TRIM9: variants seen among roughly 807,000 people sequenced by gnomAD.
TRIM9 encodes E3 ubiquitin-protein ligase TRIM9.
TRIM9 carries 26 observed loss-of-function variants against 78.3 expected under a neutral mutation model. That is an observed-to-expected ratio of 0.33 (90% CI 0.24 to 0.46). TRIM9 has a LOEUF of 0.46. TRIM9 is among the 20% of genes least tolerant of loss of function. TRIM9 has a pLI of 1.00. For missense variants in TRIM9, 787 were observed against 1,036.4 expected (o/e 0.76, Z 3.30); for synonymous variants, 398 against 416.5 (o/e 0.96, Z 0.54).
chr14:50,978,500 C>G (rs910006908), intron 12 of TRIM9, among the ~76,000 whole-genome samples: 2 of 152,162 alleles, frequency 1.3e-5, no homozygotes, highest in Non-Finnish European at 2.9e-5. Context: ...ACAGGCTGTT[C>G]CCTCTGTCTG....
intron 1 of TRIM9, chr14:51,091,009 A>G (rs1010324059): frequency 3.3e-5 from 5 of 152,226 alleles, no homozygotes; most frequent in African/African-American, 1.2e-4. Context: ...CCCATTTTAA[A>G]GTATCTACAA....
intron 1 of TRIM9, among the ~76,000 whole-genome samples, chr14:51,037,762 AG>A (rs1436976170): frequency 2.0e-5 from 3 of 152,140 alleles, no homozygotes; most frequent in Non-Finnish European, 4.4e-5. Flanking sequence ...CTAAGATTAA[AG>A]TCACAAGTTG....
chr14:51,006,888 C>T (rs1002660650), intron 5 of TRIM9, among the ~76,000 whole-genome samples: 2 of 152,090 alleles, frequency 1.3e-5, no homozygotes, highest in African/African-American at 4.8e-5. Flanking sequence ...TCCTAAGTGG[C>T]CAAGTGACAG....
At position 50,997,366 on chromosome 14, in the gene TRIM9, G is replaced by A. The variant is rs952300366; in HGVS notation, c.1603+684C>T. 5 of 985,176 alleles carry A rather than the reference G, an allele frequency of 5.1e-6. No homozygotes were observed. In the African/African-American group the frequency reaches 7.0e-5, roughly 14 times the overall value. 61.0% of individuals were successfully genotyped at this position (985,176 alleles called of 1,614,324 possible). A position where few individuals can be genotyped will look rare whatever the true frequency, so the allele number is the denominator to read the frequency against. On this transcript the variant is annotated intron_variant, in intron 7 of 12. Transcript: ENST00000684578. ...AGATGAACCTTGTATGGTGGCTCTC[G>A]GTAGCCTAGCCAAGACTGAAGGGAC...
At chr14:51,065,177 T>C (rs1431783871) in intron 1 of TRIM9, among the ~76,000 whole-genome samples, 1 of 152,226 alleles carries the variant, frequency 6.6e-6, no homozygotes, top group East Asian at 1.9e-4. Context: ...AATCCCTGTG[T>C]GTATATGTAC....
chr14:51,035,118 C>T (rs1020221666), intron 1 of TRIM9, among the ~76,000 whole-genome samples: 1 of 152,158 alleles, frequency 6.6e-6, no homozygotes, highest in Admixed American at 6.5e-5. Flanking sequence ...CATGCATTAT[C>T]TCCATATAAA....
intron 1 of TRIM9, among the ~76,000 whole-genome samples, chr14:51,025,738 C>A (rs1287634187): frequency 7.4e-6 from 1 of 135,290 alleles, no homozygotes; most frequent in Non-Finnish European, 1.6e-5. Flanking sequence ...CGTTACTTAG[C>A]ACAAAGGGCT....
chr14:51,063,742 T>A (rs79169925), intron 1 of TRIM9, among the ~76,000 whole-genome samples: 20,121 of 152,014 alleles, frequency 0.13, 1,516 homozygotes, highest in Middle Eastern at 0.2. Context: ...AAAGAAAATA[T>A]CCTTCAAAAA....
intron 1 of TRIM9, among the ~76,000 whole-genome samples, chr14:51,054,297 T>TTTGTTG (rs10641747): frequency 4.6e-5 from 7 of 151,184 alleles, no homozygotes; most frequent in East Asian, 3.9e-4. Context: ...TTTATACTCA[T>TTTGTTG]TTGTTGTTGT....
At position 51,094,870 on chromosome 14, in the gene TRIM9, G is replaced by A. The variant is rs774967376; in HGVS notation, c.70C>T (p.Pro24Ser). 2 of 1,525,478 alleles carry A rather than the reference G, an allele frequency of 1.3e-6. No homozygotes were observed. Among genetic ancestry groups the A allele is most frequent in the Non-Finnish European group, 1.8e-6 (2 of 1,141,312 alleles). 94.5% of individuals were successfully genotyped at this position (1,525,478 alleles called of 1,614,324 possible). ...GSFYREPIILPCSHNLCQACA... is the reference protein window; with the variant it reads ...GSFYREPIILSCSHNLCQACA... The stretch of plus-strand genomic sequence containing the variant: ...GCCTGACACAAATTGTGAGAGCAGG[G>A]CAGGATGATGGGCTCCCGATAGAAG... The change falls in exon 1 of 13, where the codon CCC becomes TCC. Residue 24 changes from proline (P) to serine (S), a missense_variant. Pro to Ser is a moderately conservative substitution (Grantham distance 74). Coordinates refer to ENST00000684578, the MANE Select transcript of TRIM9 (RefSeq NM_001387360.1).
chr14:50,992,006 C>T (rs982050032), intron 7 of TRIM9, among the ~76,000 whole-genome samples: 1 of 152,114 alleles, frequency 6.6e-6, no homozygotes, highest in Non-Finnish European at 1.5e-5. Flanking sequence ...TCAGTGGGGA[C>T]CAAGGTTTGT....
chr14:51,052,013 AGGAAG>A (rs1205359002), intron 1 of TRIM9, among the ~76,000 whole-genome samples: 3 of 133,448 alleles, frequency 2.2e-5, no homozygotes, highest in Admixed American at 7.7e-5. Flanking sequence ...GGAAAGGGAG[AGGAAG>A]GGAGGGGAGG....
At chr14:51,005,084 G>A (rs1250576487) in intron 5 of TRIM9, among the ~76,000 whole-genome samples, 1 of 152,186 alleles carries the variant, frequency 6.6e-6, no homozygotes, top group Non-Finnish European at 1.5e-5. Flanking sequence ...GCTGTTTCTG[G>A]AAAGCTATTA....
chr14:51,033,937 A>T (rs961412830), intron 1 of TRIM9, among the ~76,000 whole-genome samples: 3 of 152,232 alleles, frequency 2.0e-5, no homozygotes, highest in African/African-American at 7.2e-5. Flanking sequence ...TACCCATTGA[A>T]TGTTTACCAA....
At chr14:51,085,836 T>C (rs1041669757) in intron 1 of TRIM9, among the ~76,000 whole-genome samples, 1 of 152,208 alleles carries the variant, frequency 6.6e-6, no homozygotes, top group Non-Finnish European at 1.5e-5. Flanking sequence ...AGAGAGACAA[T>C]GCTCCATGGT....
chr14:51,050,686 T>C (rs1363977213), intron 1 of TRIM9, among the ~76,000 whole-genome samples: 1 of 152,094 alleles, frequency 6.6e-6, no homozygotes, highest in Non-Finnish European at 1.5e-5. Flanking sequence ...TGAAGCCAGG[T>C]CATAACAAGA....
At chr14:51,077,650 T>G (rs1263395038) in intron 1 of TRIM9, among the ~76,000 whole-genome samples, 1 of 152,146 alleles carries the variant, frequency 6.6e-6, no homozygotes, top group Admixed American at 6.5e-5. Flanking sequence ...TGCCTCGGCC[T>G]CCCAAAGTGC....
intron 1 of TRIM9, among the ~76,000 whole-genome samples, chr14:51,058,555 C>G (rs1380818546): frequency 6.6e-6 from 1 of 152,094 alleles, no homozygotes; most frequent in Non-Finnish European, 1.5e-5. Context: ...CAGGCCATAC[C>G]CTCCCGTCAT....
intron 1 of TRIM9, among the ~76,000 whole-genome samples, chr14:51,082,031 G>C (rs1408853834): frequency 6.6e-6 from 1 of 152,136 alleles, no homozygotes; most frequent in Non-Finnish European, 1.5e-5. Flanking sequence ...GCTCACATTT[G>C]GTCTTTCCAG....
Sources: gnomAD v4.1 joint callset for allele counts (sites outside exome capture counted in the v4.1 genomes callset) on GRCh38, gnomAD v4.1.1 for gene constraint, MANE v1.5 for transcripts, NCBI Gene and HGNC (gene_info 2026-07-23, HGNC 2026-07-21) for gene names.